The following DCHS2 variants were observed in gnomAD, a reference collection of about 807,000 sequenced individuals.
The protein encoded by DCHS2 is protocadherin-23.
Under a neutral mutation model 182.4 loss-of-function variants are expected in DCHS2, and 142 were observed. The observed-to-expected ratio is 0.78, with a 90% CI of 0.68 to 0.89. The LOEUF (loss-of-function observed/expected upper bound fraction) is 0.89, where lower values mean the gene tolerates loss of function less well. DCHS2 is among the 40% of genes least tolerant of loss of function. The pLI is 0.00. For missense variants in DCHS2, 4,319 were observed against 4,198.6 expected (o/e 1.03, Z -0.79); for synonymous variants, 1,740 against 1,663.3 (o/e 1.05, Z -1.12).
At position 154,235,612 on chromosome 4, in the gene DCHS2, C is replaced by A; in HGVS notation, c.9040G>T (p.Val3014Leu). The A allele has an allele frequency of 6.2e-7, 1 of 1,613,878 alleles. No homozygotes were observed. Residue 3014 changes from valine to leucine, a missense_variant, in exon 20 of 20, where the codon GTA (valine) becomes TTA (leucine). Val to Leu is a conservative substitution (Grantham distance 32, BLOSUM62 1). Coordinates refer to ENST00000357232, the MANE Select transcript of DCHS2 (RefSeq NM_001358235.2). ...VFLILICILI[V>L]MILRHKQKDT... The stretch of plus-strand genomic sequence containing the variant: ...TTTTGTTTATGTCTTAAAATCATTA[C>A]AATTAGAATGCAGATGAGTATCAGA...
chr4:154,340,754 G>T (rs1729024792), intron 3 of DCHS2, among the ~76,000 whole-genome samples: 1 of 152,154 alleles, frequency 6.6e-6, no homozygotes, highest in Admixed American at 6.5e-5. Flanking sequence ...GGAAGAAAAA[G>T]GGAGACATGA....
chr4:154,362,989 G>T (rs948110353), intron 3 of DCHS2, among the ~76,000 whole-genome samples: 2 of 152,132 alleles, frequency 1.3e-5, no homozygotes, highest in Admixed American at 1.3e-4. Context: ...AGTTTTGGGG[G>T]AGTCAGAAGT....
intron 3 of DCHS2, among the ~76,000 whole-genome samples, chr4:154,350,553 T>C (rs977197088): frequency 7.2e-5 from 11 of 152,218 alleles, no homozygotes; most frequent in Non-Finnish European, 1.5e-4. Flanking sequence ...ACAGTGACAT[T>C]GCATCTGTAA....
chr4:154,401,685 T>C (rs983396100), intron 1 of DCHS2, among the ~76,000 whole-genome samples: 1 of 152,216 alleles, frequency 6.6e-6, no homozygotes, highest in African/African-American at 2.4e-5. Context: ...TCTCAAAAAC[T>C]GCACTGTCTC....
At chr4:154,482,500 G>A (rs1735959901) in intron 1 of DCHS2, among the ~76,000 whole-genome samples, 1 of 152,066 alleles carries the variant, frequency 6.6e-6, no homozygotes, top group Non-Finnish European at 1.5e-5. Context: ...AAAGACTTGG[G>A]GAAAAAAATG....
At chr4:154,356,300 A>C (rs551762851) in intron 3 of DCHS2, among the ~76,000 whole-genome samples, 2 of 152,302 alleles carry the variant, frequency 1.3e-5, no homozygotes, top group South Asian at 4.1e-4. Context: ...ACAACTATAC[A>C]ATGTGTTTGT....
At chr4:154,284,416 C>A (rs953380895) in intron 13 of DCHS2, 1 of 152,222 alleles carries the variant, frequency 6.6e-6, no homozygotes, top group African/African-American at 2.4e-5. Flanking sequence ...CAAAAAAGGA[C>A]CTTCATAAGA....
At chr4:154,372,580 G>A (rs974199366) in intron 2 of DCHS2, among the ~76,000 whole-genome samples, 1 of 152,110 alleles carries the variant, frequency 6.6e-6, no homozygotes, top group Admixed American at 6.6e-5. Context: ...GAGATAGAGT[G>A]TTAATAAGCA....
chr4:154,454,497 C>T (rs925376089), intron 1 of DCHS2, among the ~76,000 whole-genome samples: 1 of 152,182 alleles, frequency 6.6e-6, no homozygotes, highest in Non-Finnish European at 1.5e-5. Flanking sequence ...TATTATTCTA[C>T]ATATGGACTT....
At chr4:154,390,772 T>C (rs563268160) in intron 1 of DCHS2, among the ~76,000 whole-genome samples, 23 of 152,286 alleles carry the variant, frequency 1.5e-4, no homozygotes, top group African/African-American at 4.8e-4. Flanking sequence ...TCAAATACAT[T>C]TGTACTATTC....
chr4:154,445,766 A>T (rs924961191), intron 1 of DCHS2, among the ~76,000 whole-genome samples: 12 of 150,812 alleles, frequency 8.0e-5, no homozygotes, highest in African/African-American at 2.7e-4. Context: ...AGCTGTGATC[A>T]GGCCACTGAG....
chr4:154,403,574 T>G (rs1334990550), intron 1 of DCHS2, among the ~76,000 whole-genome samples: 1 of 152,176 alleles, frequency 6.6e-6, no homozygotes, highest in Non-Finnish European at 1.5e-5. Context: ...TTTATGTCTA[T>G]GTTCATTAGA....
intron 1 of DCHS2, among the ~76,000 whole-genome samples, chr4:154,393,196 T>C (rs953875839): frequency 5.9e-5 from 9 of 152,160 alleles, no homozygotes; most frequent in Admixed American, 5.9e-4. Context: ...ACCTAGGAAA[T>C]GTTTTCAGCC....
intron 9 of DCHS2, 95 bp downstream of exon 9, chr4:154,320,284 T>TTGTA: frequency 6.6e-7 from 1 of 1,507,556 alleles, no homozygotes; most frequent in Non-Finnish European, 8.8e-7. Flanking sequence ...CAACAATGTA[T>TTGTA]TGTACACTTA....
intron 14 of DCHS2, among the ~76,000 whole-genome samples, chr4:154,267,709 C>CAA (rs1560997782): frequency 3.7e-4 from 13 of 35,368 alleles, no homozygotes; most frequent in South Asian, 4.0e-3. Flanking sequence ...ATCTTCTTCC[C>CAA]GAAGCCTAGC....
intron 1 of DCHS2, among the ~76,000 whole-genome samples, chr4:154,412,473 A>G (rs898240193): frequency 1.3e-5 from 2 of 152,216 alleles, no homozygotes; most frequent in Non-Finnish European, 2.9e-5. Context: ...GAGTGGAAGG[A>G]TATCACTCTG....
In DCHS2 at chr4:154,298,274, T is replaced by A; in HGVS notation, c.6040A>T (p.Ile2014Phe). 1 of 1,614,208 alleles carries A rather than the reference T, an allele frequency of 6.2e-7. No individual in the cohort carries two copies. The highest frequency in any genetic ancestry group is 8.5e-7 in the Non-Finnish European group (1 of 1,180,020). ...TFSAVARDCSIQGSRSTTVII... is the reference protein window; with the variant it reads ...TFSAVARDCSFQGSRSTTVII... ...ACAGTGGTGCTTCGTGAACCCTGGATGCTACAGTCTCTGGCCACAGCACTA... is the reference window on the plus strand; with the variant it reads ...ACAGTGGTGCTTCGTGAACCCTGGAAGCTACAGTCTCTGGCCACAGCACTA... Residue 2014 changes from isoleucine to phenylalanine, a missense_variant, in exon 13 of 20, where the codon ATC becomes TTC. Physicochemically the swap from Ile to Phe is conservative, Grantham distance 21 (BLOSUM62 0). Coordinates refer to ENST00000357232, the MANE Select transcript of DCHS2 (RefSeq NM_001358235.2).
chr4:154,329,413 C>G, intron 6 of DCHS2, 110 bp downstream of exon 6: 1 of 1,130,818 alleles, frequency 8.8e-7, no homozygotes, highest in Non-Finnish European at 1.3e-6. Flanking sequence ...AAAAAGTATG[C>G]TTTGCCACAC....
chr4:154,311,089 GGA>G (rs748290920), intron 10 of DCHS2, among the ~76,000 whole-genome samples: 2 of 152,168 alleles, frequency 1.3e-5, no homozygotes, highest in Non-Finnish European at 2.9e-5. Flanking sequence ...GTAAAAGGTG[GGA>G]GAGTGCTAGG....
Sources: allele counts gnomAD v4.1 joint callset (sites outside exome capture counted in the v4.1 genomes callset), GRCh38; gene constraint gnomAD v4.1.1; transcripts MANE v1.5; gene names NCBI Gene and HGNC (gene_info 2026-07-23, HGNC 2026-07-21).